The following CNGB3 variants were observed in gnomAD, a reference collection of about 807,000 sequenced individuals.
CNGB3 encodes the protein cyclic nucleotide-gated channel beta-3.
CNGB3 carries 86 observed loss-of-function variants against 92.8 expected under a neutral mutation model. That is an observed-to-expected ratio of 0.93 (90% CI 0.78 to 1.11). The LOEUF is 1.11. Ranked by LOEUF, CNGB3 falls within the 50% of genes least tolerant of loss-of-function variation. The pLI is 0.00. For missense variants in CNGB3, 1,026 were observed against 956.8 expected (o/e 1.07, Z -0.95); for synonymous variants, 333 against 332.7 (o/e 1.00, Z -0.01).
At chr8:86,723,498 A>G (rs570253512) in intron 3 of CNGB3, among the ~76,000 whole-genome samples, 1 of 152,294 alleles carries the variant, frequency 6.6e-6, no homozygotes, top group Admixed American at 6.5e-5. Flanking sequence ...AATAATTTCA[A>G]TAATTATTTT....
At chr8:86,653,385 T>A (rs1823442393) in intron 7 of CNGB3, among the ~76,000 whole-genome samples, 1 of 151,862 alleles carries the variant, frequency 6.6e-6, no homozygotes, top group Admixed American at 6.6e-5. Flanking sequence ...ACAAGGATAG[T>A]CTGAGACCTA....
intron 4 of CNGB3, 118 bp downstream of exon 4, chr8:86,670,826 C>T: frequency 9.2e-7 from 1 of 1,090,792 alleles, no homozygotes; most frequent in Non-Finnish European, 1.4e-6. Flanking sequence ...TCAAAATAAA[C>T]TGTACGTAAA....
At chr8:86,661,586 C>T (rs1823640996) in intron 6 of CNGB3, 2 of 758,152 alleles carry the variant, frequency 2.6e-6, no homozygotes, top group Admixed American at 3.6e-5. Flanking sequence ...TTTTTCAATT[C>T]CTTCATCCTC....
chr8:86,587,054 T>C (rs1308129087), intron 15 of CNGB3, among the ~76,000 whole-genome samples: 2 of 147,724 alleles, frequency 1.4e-5, no homozygotes, highest in South Asian at 2.2e-4. Context: ...TGGTATCTCA[T>C]TGTGGTTTTG....
At chr8:86,656,875 T>C (rs910170727) in intron 6 of CNGB3, among the ~76,000 whole-genome samples, 1 of 152,162 alleles carries the variant, frequency 6.6e-6, no homozygotes, top group Admixed American at 6.5e-5. Context: ...AAATAATTAC[T>C]AGAACCTCCT....
intron 13 of CNGB3, among the ~76,000 whole-genome samples, chr8:86,617,225 A>G (rs766756015): frequency 1.3e-5 from 2 of 152,178 alleles, no homozygotes; most frequent in Admixed American, 6.6e-5. Flanking sequence ...AAGTTGGTAA[A>G]ATGTTTCCTT....
chr8:86,676,081 G>A (rs936605224), intron 3 of CNGB3, among the ~76,000 whole-genome samples: 1 of 152,158 alleles, frequency 6.6e-6, no homozygotes. Flanking sequence ...TTAGTTTTAA[G>A]AAAGAGAACA....
intron 3 of CNGB3, among the ~76,000 whole-genome samples, chr8:86,695,167 G>A (rs978033274): frequency 0.1 from 299 of 2,990 alleles, 1 homozygote; most frequent in African/African-American, 0.45. Flanking sequence ...CGTGGCGGTG[G>A]CGCCTGCAAT....
chr8:86,730,039 G>A (rs1265643261), intron 2 of CNGB3, among the ~76,000 whole-genome samples: 1 of 152,198 alleles, frequency 6.6e-6, no homozygotes, highest in Non-Finnish European at 1.5e-5. Context: ...GTATTCTGAC[G>A]TGGTTGCCTT....
chr8:86,593,922 G>T (rs1372643011), intron 15 of CNGB3: 6 of 571,988 alleles, frequency 1.0e-5, no homozygotes, highest in African/African-American at 5.6e-5. Context: ...GTGTGCCAGG[G>T]GCAGAAGGAG....
chr8:86,720,832 A>ATG (rs1291729489), intron 3 of CNGB3, among the ~76,000 whole-genome samples: 8 of 72,414 alleles, frequency 1.1e-4, no homozygotes, highest in Non-Finnish European at 1.7e-4. Flanking sequence ...ATATATATAT[A>ATG]TATGTATACA....
intron 7 of CNGB3, 71 bp downstream of exon 7, chr8:86,653,941 T>C (rs1823452984): frequency 9.7e-7 from 1 of 1,030,620 alleles, no homozygotes; most frequent in Non-Finnish European, 1.5e-6. Context: ...TTTATAGAAA[T>C]CTATAGATGG....
chr8:86,643,925 G>A, intron 9 of CNGB3, 52 bp from the exon 10 acceptor site: 3 of 1,582,702 alleles, frequency 1.9e-6, no homozygotes, highest in Non-Finnish European at 1.7e-6. Flanking sequence ...CTGAAATACA[G>A]CCTATTTTAA....
intron 3 of CNGB3, among the ~76,000 whole-genome samples, chr8:86,725,621 A>G (rs1825047368): frequency 6.6e-6 from 1 of 152,146 alleles, no homozygotes; most frequent in Non-Finnish European, 1.5e-5. Flanking sequence ...TCGAAAAGGC[A>G]TTCTCTGTTT....
At position 86,620,996 on chromosome 8, in the gene CNGB3, T is replaced by C. The variant is rs546610379; in HGVS notation, c.1578+4987A>G. On this transcript the variant is annotated intron_variant, in intron 13 of 17. Transcript: ENST00000320005. ...AACAGAAATGTCAGGAAAGAATGAA[T>C]CTAAGTTATACACAACATTAGCAAG... Among the ~76,000 whole-genome samples, 6 of 152,158 alleles carry C rather than the reference T, an allele frequency of 3.9e-5. No homozygotes were observed. In the South Asian group the frequency reaches 8.3e-4, roughly 21 times the overall value.
chr8:86,739,620 G>GTTTTTTTTTTTTTTTTTTTTTAT, intron 2 of CNGB3, 35 bp downstream of exon 2: 2 of 1,488,506 alleles, frequency 1.3e-6, no homozygotes, highest in Non-Finnish European at 1.8e-6. Flanking sequence ...TCACTTTTTA[G>GTTTTTTTTTTTTTTTTTTTTTAT]TTTTTTTTTT....
At chr8:86,726,741 C>T in intron 2 of CNGB3, 84 bp from the exon 3 acceptor site, 4 of 1,506,504 alleles carry the variant, frequency 2.7e-6, no homozygotes, top group Non-Finnish European at 3.7e-6. Flanking sequence ...TACAAAGATG[C>T]TGCTTGTTTT....
intron 3 of CNGB3, among the ~76,000 whole-genome samples, chr8:86,678,520 G>C (rs970633): frequency 0.89 from 135,901 of 152,224 alleles, 60,950 homozygotes; most frequent in East Asian, 1. Flanking sequence ...CCTAACCTAA[G>C]TGATTCATGA....
rs59159812 is a variant in CNGB3, at chr8:86,583,028, T to TGG, written c.1782-3777_1782-3776insCC. Among the ~76,000 whole-genome samples, 12 of 148,944 alleles carry TGG rather than the reference T, an allele frequency of 8.1e-5. 2 individuals carry two copies. Among genetic ancestry groups the TGG allele is most frequent in the Non-Finnish European group, 1.6e-4 (11 of 67,034 alleles). On this transcript the variant is annotated intron_variant, in intron 15 of 17. Coordinates refer to ENST00000320005, the MANE Select transcript of CNGB3 (RefSeq NM_019098.5). ...TTGGCTTACTGCAACCTCTGCTTCC[T>TGG]GTAGCTGGGATTACAGGTGTCCACC...
Sources: allele counts gnomAD v4.1 joint callset (sites outside exome capture counted in the v4.1 genomes callset), GRCh38; gene constraint gnomAD v4.1.1; transcripts MANE v1.5; gene names NCBI Gene and HGNC (gene_info 2026-07-23, HGNC 2026-07-21).